RCOR1: variants seen among roughly 807,000 people sequenced by gnomAD.
The protein encoded by RCOR1 is REST corepressor 1, also known as REST corepressor.
Under a neutral mutation model 64.0 loss-of-function variants are expected in RCOR1, and 12 were observed. The observed-to-expected ratio is 0.19, with a 90% CI of 0.12 to 0.30. The LOEUF (loss-of-function observed/expected upper bound fraction) is 0.30, where lower values mean the gene tolerates loss of function less well. Among genes scored for constraint, RCOR1 ranks in the 10% least tolerant of loss-of-function variants. The pLI is 1.00. For synonymous variants in RCOR1, 279 were observed against 227.2 expected (o/e 1.23, Z -2.05); for missense variants, 502 against 621.2 (o/e 0.81, Z 2.04).
chr14:102,621,440 A>G (rs959047796), intron 2 of RCOR1, among the ~76,000 whole-genome samples: 3 of 140,786 alleles, frequency 2.1e-5, no homozygotes, highest in African/African-American at 2.7e-5. Context: ...CACTGGTGCA[A>G]TCACAGCTTA....
chr14:102,679,683 T>G (rs1895263472), intron 2 of RCOR1, among the ~76,000 whole-genome samples: 1 of 152,138 alleles, frequency 6.6e-6, no homozygotes, highest in African/African-American at 2.4e-5. Flanking sequence ...TTTCATCATG[T>G]TAGCCAGGAT....
chr14:102,709,948 G>A (rs1895925494), intron 6 of RCOR1, among the ~76,000 whole-genome samples: 1 of 152,200 alleles, frequency 6.6e-6, no homozygotes. Context: ...GGGCCAGGAA[G>A]TGCTTTGCCT....
At chr14:102,709,087 TC>T (rs1288309871) in intron 6 of RCOR1, among the ~76,000 whole-genome samples, 2 of 152,344 alleles carry the variant, frequency 1.3e-5, no homozygotes, top group South Asian at 2.1e-4. Context: ...AACCATCACT[TC>T]CTCAGTCTTA....
chr14:102,706,903 C>T (rs959243977), intron 4 of RCOR1, among the ~76,000 whole-genome samples: 2 of 151,476 alleles, frequency 1.3e-5, no homozygotes, highest in South Asian at 4.2e-4. Context: ...TGACCACTTC[C>T]CTGATGATAC....
chr14:102,653,439 CG>C (rs1478581859), intron 2 of RCOR1, among the ~76,000 whole-genome samples: 1 of 152,152 alleles, frequency 6.6e-6, no homozygotes, highest in African/African-American at 2.4e-5. Flanking sequence ...AGGCTGGCCT[CG>C]GCTTCCCAAA....
At position 102,726,804 on chromosome 14, in the gene RCOR1, G is replaced by T. The variant is rs1040735036; in HGVS notation, c.*298G>T. ...AACCGCCTCTCCCGCCGGAGCCCCC[G>T]AGCCCCACCAATGGCAGCTCTTCCC... On this transcript the variant is annotated 3_prime_UTR_variant, in exon 12 of 12. Transcript: ENST00000262241. The T allele has an allele frequency of 1.6e-5, 6 of 384,408 alleles. No individual in the cohort carries two copies. Among genetic ancestry groups the T allele is most frequent in the African/African-American group, 1.3e-4 (6 of 46,762 alleles). 23.8% of individuals were successfully genotyped at this position (384,408 alleles called of 1,614,324 possible).
At chr14:102,710,911 C>G in intron 6 of RCOR1, 24 bp from the exon 7 acceptor site, 1 of 1,521,640 alleles carries the variant, frequency 6.6e-7, no homozygotes, top group Non-Finnish European at 9.0e-7. Context: ...AATAATCATT[C>G]AGTAACTTGT....
intron 4 of RCOR1, among the ~76,000 whole-genome samples, chr14:102,705,927 G>A (rs975125379): frequency 4.0e-5 from 6 of 151,318 alleles, no homozygotes; most frequent in African/African-American, 1.2e-4. Context: ...ACCAACCTGG[G>A]CAACATGGCA....
chr14:102,710,928 C>G lies in RCOR1; in HGVS notation c.780-7C>G. 6.3e-7 allele frequency: 1 copy of G among 1,591,838 alleles called. No homozygotes were observed. Among genetic ancestry groups the G allele is most frequent in the Non-Finnish European group, 8.6e-7 (1 of 1,169,392 alleles). On this transcript the variant is annotated splice_polypyrimidine_tract_variant and splice_region_variant and intron_variant, in intron 6 of 11. Transcript: ENST00000262241. ...TAATCATTCAGTAACTTGTTCTTGT[C>G]TTCCAGCGAGGATGAACTGGAAGAG... is the stretch of plus-strand genomic sequence containing the variant.
intron 2 of RCOR1, among the ~76,000 whole-genome samples, chr14:102,626,201 C>T (rs1385271974): frequency 6.6e-6 from 1 of 152,162 alleles, no homozygotes; most frequent in Non-Finnish European, 1.5e-5. Context: ...TAGAACACAA[C>T]CTCTCCTCCT....
In RCOR1 at chr14:102,614,834, AT is replaced by A. The variant is rs771047712; in HGVS notation, c.361+21524del. Among the ~76,000 whole-genome samples the A allele has an allele frequency of 5.8e-3, 835 of 144,278 alleles. 3 individuals carry two copies. The highest frequency in any genetic ancestry group is 0.011 in the Middle Eastern group (3 of 278). 94.7% of individuals were successfully genotyped at this position (144,278 alleles called of 152,430 possible). A position where few individuals can be genotyped will look rare whatever the true frequency, so the allele number is the denominator to read the frequency against. On this transcript the variant is annotated intron_variant, in intron 2 of 11. Coordinates refer to ENST00000262241, the MANE Select transcript of RCOR1 (RefSeq NM_015156.4). ...CAAAAATAAAAATAATTTCTGAATAATTTTTTTTTTTTTTTGAGACGGAGTC... is the reference window on the plus strand; with the variant it reads ...CAAAAATAAAAATAATTTCTGAATAATTTTTTTTTTTTTTGAGACGGAGTC...
chr14:102,685,565 C>G (rs893949853), intron 3 of RCOR1, among the ~76,000 whole-genome samples: 2 of 152,040 alleles, frequency 1.3e-5, no homozygotes, highest in South Asian at 4.1e-4. Context: ...TCACTGCAAC[C>G]TCCACCTCCT....
At chr14:102,666,150 A>AAG (rs1275647889) in intron 2 of RCOR1, among the ~76,000 whole-genome samples, 1 of 152,154 alleles carries the variant, frequency 6.6e-6, no homozygotes, top group Non-Finnish European at 1.5e-5. Context: ...AAAGAGAAGG[A>AAG]AGTGGGTTAG....
intron 2 of RCOR1, among the ~76,000 whole-genome samples, chr14:102,659,638 T>A (rs988983672): frequency 1.3e-5 from 2 of 152,220 alleles, no homozygotes; most frequent in African/African-American, 4.8e-5. Context: ...TTTATGAAGT[T>A]CTTTGTAGCT....
At chr14:102,682,088 GATAA>G (rs1895317041) in intron 3 of RCOR1, 110 bp downstream of exon 3, 1 of 637,514 alleles carries the variant, frequency 1.6e-6, no homozygotes, top group Admixed American at 3.1e-5. Flanking sequence ...TCTATTTTAA[GATAA>G]ATAATTTAAA....
chr14:102,632,674 C>A (rs1405906399), intron 2 of RCOR1, among the ~76,000 whole-genome samples: 1 of 45,180 alleles, frequency 2.2e-5, no homozygotes, highest in Non-Finnish European at 4.0e-5. Flanking sequence ...CTTTCCTTTC[C>A]TTTCCTTTTC....
At position 102,599,500 on chromosome 14, in the gene RCOR1, A is replaced by G. The variant is rs1429341605; in HGVS notation, c.361+6175A>G. ...CGTCCTTGGTGCTTCAGAGGCGTAC[A>G]TTGTTAATGATGAATATTTTTGAGA... On this transcript the variant is annotated intron_variant, in intron 2 of 11. Transcript: ENST00000262241. 2.0e-5 allele frequency among the ~76,000 whole-genome samples: 3 copies of G among 152,130 alleles called. No individual in the cohort carries two copies. In the South Asian group the frequency reaches 6.2e-4, roughly 31 times the overall value.
intron 7 of RCOR1, among the ~76,000 whole-genome samples, chr14:102,712,255 T>C (rs183052217): frequency 6.6e-6 from 1 of 152,178 alleles, no homozygotes; most frequent in Non-Finnish European, 1.5e-5. Context: ...TGACCTTGGC[T>C]CACTGCAACC....
chr14:102,658,259 G>A (rs926694938), intron 2 of RCOR1, among the ~76,000 whole-genome samples: 1 of 152,128 alleles, frequency 6.6e-6, no homozygotes, highest in Non-Finnish European at 1.5e-5. Context: ...ACAGGTGTGA[G>A]CCACTGTGCT....
Sources: allele counts gnomAD v4.1 joint callset (sites outside exome capture counted in the v4.1 genomes callset), GRCh38; gene constraint gnomAD v4.1.1; transcripts MANE v1.5; gene names NCBI Gene and HGNC (gene_info 2026-07-23, HGNC 2026-07-21).